ACAA2: variants seen among roughly 807,000 people sequenced by gnomAD.
ACAA2 encodes acetyl-CoA acyltransferase 2.
In ACAA2, 35 loss-of-function variants were observed where a neutral mutation model predicts 44.8. That is an observed-to-expected ratio of 0.78 (90% confidence interval 0.60 to 1.04). ACAA2 has a LOEUF of 1.04. ACAA2 is among the 50% of genes least tolerant of loss of function. ACAA2 has a pLI of 0.00. For missense variants in ACAA2, 468 were observed against 482.6 expected (o/e 0.97, Z 0.28); for synonymous variants, 142 against 166.5 (o/e 0.85, Z 1.13).
chr18:49,794,456 GT>G, intron 4 of ACAA2, 29 bp from the exon 5 acceptor site: 1 of 1,485,426 alleles, frequency 6.7e-7, no homozygotes, highest in Non-Finnish European at 9.0e-7. Context: ...AAAGTGACTT[GT>G]TAAGGCATTT....
Position 49,792,237 on chromosome 18 carries a change from G to A in ACAA2, c.668C>T (p.Ala223Val). 2 of 1,613,754 alleles carry A rather than the reference G, an allele frequency of 1.2e-6. No individual in the cohort carries two copies. The highest frequency in any genetic ancestry group is 1.7e-6 in the Non-Finnish European group (2 of 1,179,760). The change falls in exon 6 of 10, where the codon GCT (alanine) becomes GTT (valine). Residue 223 changes from alanine to valine, a missense_variant. Coordinates refer to ENST00000285093, the MANE Select transcript of ACAA2 (RefSeq NM_006111.3). ...CTGTTCCAGGGTGGTTTGGGGCCGA[G>A]CATGCTCGTCTACCTGCATTGTCTG... The part of the protein sequence containing the change: ...GKQTMQVDEH[A>V]RPQTTLEQLQ...
chr18:49,787,354 G>A lies in ACAA2; in HGVS notation c.891C>T (p.Val297=). 1 of 1,453,868 alleles carries A rather than the reference G, an allele frequency of 6.9e-7. No individual in the cohort carries two copies. The highest frequency in any genetic ancestry group is 9.1e-7 in the Non-Finnish European group (1 of 1,103,538). The allele number at this position is 1,453,868 out of a possible 1,614,324, so 90.1% of individuals were successfully genotyped here. ...TCTTCAGTGCCCCACTGATAGCAGG[G>A]ACAGGACCTATATAATAATAAAAAT... ...CDPSIMGIGP[V]PAISGALKKA... The change falls in exon 8 of 10, where the codon GTC becomes GTT. Residue 297 remains valine, a synonymous_variant. Transcript: ENST00000285093.
In ACAA2 at chr18:49,792,319, C is replaced by T. The variant is rs889650590; in HGVS notation, c.586G>A (p.Ala196Thr). Residue 196 changes from alanine to threonine, a missense_variant, in exon 6 of 10, where the codon GCT becomes ACT. Coordinates refer to ENST00000285093, the MANE Select transcript of ACAA2 (RefSeq NM_006111.3). Reference sequence around the variant, plus strand: ...GCCATTTCATCATTAAAGTAGCCAGCATCATTAGCTGAAAAATAGTAGAGA... The same window carrying T: ...GCCATTTCATCATTAAAGTAGCCAGTATCATTAGCTGAAAAATAGTAGAGA... ...SQQRWKAAND[A>T]GYFNDEMAPI... 7 of 1,612,378 alleles carry T rather than the reference C, an allele frequency of 4.3e-6. No homozygotes were observed. The highest frequency in any genetic ancestry group is 3.4e-6 in the Non-Finnish European group (4 of 1,179,026).
rs183899551 is a variant in ACAA2 at position 49,800,606 on chromosome 18, C to T, written c.183+2081G>A. Among the ~76,000 whole-genome samples the T allele has an allele frequency of 8.0e-4, 122 of 152,256 alleles. No individual in the cohort carries two copies. The East Asian group carries it at 0.013, about 16-fold the overall frequency. On this transcript the variant is annotated intron_variant, in intron 2 of 9. Transcript: ENST00000285093. Reference sequence around the variant, plus strand: ...TGATCTGTGACCTTACCCCCAACCCCGTGCTCTCTGAAACATGTGCTGTGT... The same window carrying T: ...TGATCTGTGACCTTACCCCCAACCCTGTGCTCTCTGAAACATGTGCTGTGT...
At chr18:49,795,683 T>A (rs1674578821) in intron 4 of ACAA2, 82 bp downstream of exon 4, 1 of 769,720 alleles carries the variant, frequency 1.3e-6, no homozygotes, top group Admixed American at 3.3e-5. Context: ...ATTAGTTTTC[T>A]CTCCCATAAA....
At chr18:49,797,735 T>G in intron 2 of ACAA2, 141 bp from the exon 3 acceptor site, 4 of 578,220 alleles carry the variant, frequency 6.9e-6, no homozygotes, top group Non-Finnish European at 1.1e-5. Flanking sequence ...TGCATCTAAG[T>G]ACAGCATATT....
At chr18:49,808,554 T>C (rs1471918734) in intron 1 of ACAA2, among the ~76,000 whole-genome samples, 1 of 152,180 alleles carries the variant, frequency 6.6e-6, no homozygotes, top group Non-Finnish European at 1.5e-5. Flanking sequence ...ATTTTACAGC[T>C]GGGCCGCCGG....
At position 49,782,421 on chromosome 18, in the gene ACAA2, T is replaced by G. The variant is rs2023276999; in HGVS notation, c.*1426A>C. On this transcript the variant is annotated 3_prime_UTR_variant, in exon 10 of 10. Coordinates refer to ENST00000285093, the MANE Select transcript of ACAA2 (RefSeq NM_006111.3). ...GAAGGAAACCATATAAGCAAAGGGT[T>G]GAGGAAACAGTGTAGGTACTTATGA... The G allele has an allele frequency of 6.6e-6, 1 of 151,978 alleles. No homozygotes were observed. Among genetic ancestry groups the G allele is most frequent in the South Asian group, 2.1e-4 (1 of 4,822 alleles). The allele number at this position is 151,978 out of a possible 1,614,324, so 9.4% of individuals were successfully genotyped here.
chr18:49,799,940 G>A (rs541583247), intron 2 of ACAA2, among the ~76,000 whole-genome samples: 103 of 149,088 alleles, frequency 6.9e-4, no homozygotes, highest in African/African-American at 2.4e-3. Context: ...CCCTCTGCCC[G>A]GCAACCGCCC....
intron 7 of ACAA2, among the ~76,000 whole-genome samples, chr18:49,788,493 C>T (rs541699740): frequency 6.6e-6 from 1 of 152,296 alleles, no homozygotes; most frequent in East Asian, 1.9e-4. Flanking sequence ...ATTTAAAATG[C>T]CAGTTTCATG....
chr18:49,792,878 C>T (rs2023422069), intron 5 of ACAA2, among the ~76,000 whole-genome samples: 2 of 152,206 alleles, frequency 1.3e-5, no homozygotes, highest in South Asian at 4.2e-4. Context: ...ACACAACTTA[C>T]CTTCCGTATT....
At chr18:49,794,191 T>TA in intron 5 of ACAA2, 89 bp downstream of exon 5, 1 of 938,112 alleles carries the variant, frequency 1.1e-6, no homozygotes, top group Non-Finnish European at 1.4e-6. Flanking sequence ...GTATGATTTG[T>TA]AAATATTATA....
At chr18:49,795,352 T>C (rs1324392383) in intron 4 of ACAA2, among the ~76,000 whole-genome samples, 2 of 152,190 alleles carry the variant, frequency 1.3e-5, no homozygotes, top group African/African-American at 4.8e-5. Flanking sequence ...AAGAAATCTA[T>C]TCTGAGACTG....
At chr18:49,789,376 A>G (rs944713648) in intron 7 of ACAA2, among the ~76,000 whole-genome samples, 4 of 152,184 alleles carry the variant, frequency 2.6e-5, no homozygotes, top group African/African-American at 9.7e-5. Flanking sequence ...CCATCACTAT[A>G]TACAAGTGAC....
At chr18:49,788,438 A>C (rs1347552160) in intron 7 of ACAA2, among the ~76,000 whole-genome samples, 1 of 152,250 alleles carries the variant, frequency 6.6e-6, no homozygotes, top group Non-Finnish European at 1.5e-5. Context: ...TTTGGACAAC[A>C]AACCACGTGC....
chr18:49,808,131 CAAT>C (rs2023629343), intron 1 of ACAA2, among the ~76,000 whole-genome samples: 1 of 152,026 alleles, frequency 6.6e-6, no homozygotes, highest in South Asian at 2.1e-4. Flanking sequence ...CAAATTAAAA[CAAT>C]GAGATACTAC....
chr18:49,792,197 A>G lies in ACAA2; in HGVS notation c.708T>C (p.Pro236=). The G allele has an allele frequency of 6.2e-7, 1 of 1,614,010 alleles. No individual in the cohort carries two copies. Among genetic ancestry groups the G allele is most frequent in the South Asian group, 1.1e-5 (1 of 91,056 alleles). The change falls in exon 6 of 10, where the codon CCT becomes CCC. Residue 236 remains proline, a synonymous_variant. Transcript: ENST00000285093. ...QTTLEQLQKL[P]PVFKKDGTVT... Reference sequence around the variant, plus strand: ...CAGTTCCATCTTTCTTGAATACTGGAGGAAGTTTCTGTAACTGTTCCAGGG... The same window carrying G: ...CAGTTCCATCTTTCTTGAATACTGGGGGAAGTTTCTGTAACTGTTCCAGGG...
At chr18:49,787,212 A>C in intron 8 of ACAA2, 79 bp downstream of exon 8, 1 of 1,188,340 alleles carries the variant, frequency 8.4e-7, no homozygotes, top group Non-Finnish European at 1.1e-6. Context: ...CAATGAGACC[A>C]AATTAAAGTC....
At chr18:49,802,530 C>G (rs1451485732) in intron 2 of ACAA2, among the ~76,000 whole-genome samples, 157 bp downstream of exon 2, 2 of 145,256 alleles carry the variant, frequency 1.4e-5, no homozygotes, top group East Asian at 3.9e-4. Context: ...CCACCATACT[C>G]CAGCCTGGCG....
Sources: allele counts gnomAD v4.1 joint callset (sites outside exome capture counted in the v4.1 genomes callset), GRCh38; gene constraint gnomAD v4.1.1; transcripts MANE v1.5; gene names NCBI Gene and HGNC (gene_info 2026-07-23, HGNC 2026-07-21).